BRICD5: variants seen among roughly 807,000 people sequenced by gnomAD.
The protein encoded by BRICD5 is BRICHOS domain-containing protein 5.
Under a neutral mutation model 28.4 loss-of-function variants are expected in BRICD5, and 51 were observed. The observed-to-expected ratio is 1.80, with a 90% CI of 1.43 to 2.27. The LOEUF is 2.27. BRICD5 is among the 30% of genes most tolerant of loss of function. The pLI is 0.00. For missense variants in BRICD5, 456 were observed against 309.6 expected (o/e 1.47, Z -3.55); for synonymous variants, 177 against 130.2 (o/e 1.36, Z -2.44).
At chr16:2,210,473 C>G (rs375635855) in intron 2 of BRICD5, 49 bp downstream of exon 2, 1 of 1,556,170 alleles carries the variant, frequency 6.4e-7, no homozygotes, top group Non-Finnish European at 8.7e-7. Flanking sequence ...TGCCAGCTTC[C>G]CTTCTCCCTT....
Position 2,209,611 on chromosome 16 carries a change from C to T in BRICD5, c.534G>A (p.Gly178=). The T allele has an allele frequency of 6.2e-7, 1 of 1,613,102 alleles. No homozygotes were observed. The highest frequency in any genetic ancestry group is 1.1e-5 in the South Asian group (1 of 91,084). ...GSLEVDPAQA[G]ALVQRLCMRT... ...TCATGCACAGGCGCTGCACCAAAGC[C>T]CCCGCCTGGGCGGGGTCCACTTCGA... Residue 178 remains glycine (G), a synonymous_variant, in exon 5 of 6, where the codon GGG becomes GGA. Transcript: ENST00000328540.
In BRICD5 at chr16:2,210,062, A is replaced by G. The variant is rs747932562; in HGVS notation, c.337-11T>C. 2.5e-6 allele frequency: 4 copies of G among 1,600,728 alleles called. No individual in the cohort carries two copies. In the East Asian group the frequency reaches 9.0e-5, roughly 36 times the overall value. On this transcript the variant is annotated splice_polypyrimidine_tract_variant and intron_variant, in intron 3 of 5. Coordinates refer to ENST00000328540, the MANE Select transcript of BRICD5 (RefSeq NM_182563.4). ...GTAACAGATGCAGCCCTGGGGAGGC[A>G]GGGGGGTGAGGCGGGGCCCCCCAGA...
rs755268152 is a variant in BRICD5 at position 2,209,553 on chromosome 16, C to T, written c.592G>A (p.Gly198Arg). The change falls in exon 5 of 6, where the codon GGG (glycine) becomes AGG (arginine). Residue 198 changes from glycine (G) to arginine (R), a missense_variant and splice_region_variant. Gly to Arg is a moderately radical substitution (Grantham distance 125). Coordinates refer to ENST00000328540, the MANE Select transcript of BRICD5 (RefSeq NM_182563.4). ...TTCCCCCACAGCGGTCCTGACTCACCCTCTGCTCGCCGGGCCCAGTAGATG... is the reference window on the plus strand; with the variant it reads ...TTCCCCCACAGCGGTCCTGACTCACTCTCTGCTCGCCGGGCCCAGTAGATG... ...TPIYWARRAEGPRRQRLIYLC... is the reference protein window; with the variant it reads ...TPIYWARRAERPRRQRLIYLC... 10 of 1,612,092 alleles carry T rather than the reference C, an allele frequency of 6.2e-6. No homozygotes were observed. The East Asian group carries it at 2.0e-4, about 32-fold the overall frequency.
rs376724211 is a variant in BRICD5, at chr16:2,210,853, A to G, written c.-20T>C. The G allele has an allele frequency of 9.7e-5, 155 of 1,600,482 alleles. 2 individuals are homozygous for G. The African/African-American group carries it at 1.6e-3, about 17-fold the overall frequency. On this transcript the variant is annotated 5_prime_UTR_variant, in exon 1 of 6. Coordinates refer to ENST00000328540, the MANE Select transcript of BRICD5 (RefSeq NM_182563.4). ...TTCCATCCTGCAGCCCCTGCTCACA[A>G]TGTGCCGATTGTCTGCGTCCCTTGT... is the stretch of plus-strand genomic sequence containing the variant.
chr16:2,210,576 G>C lies in BRICD5; in HGVS notation c.126C>G (p.Ala42=), dbSNP rs748861148. Residue 42 remains alanine, a synonymous_variant, in exon 2 of 6, where the codon GCC becomes GCG. Transcript: ENST00000328540. Reference sequence around the variant, plus strand: ...GCCCTCCAGCCACAACCCCCACAGCGGCCAGCACCAGCAGCAGCAGCAGCA... The same window carrying C: ...GCCCTCCAGCCACAACCCCCACAGCCGCCAGCACCAGCAGCAGCAGCAGCA... ...LLLLLLLLVL[A]AVGVVAGGLL... is the part of the protein sequence containing the mutation. The C allele has an allele frequency of 3.7e-6, 6 of 1,612,274 alleles. No homozygotes were observed. The Admixed American group carries it at 8.3e-5, about 22-fold the overall frequency.
rs554287445 is a variant in BRICD5, at chr16:2,209,402, T to G, written c.647A>C (p.Asn216Thr). 8 of 1,613,786 alleles carry G rather than the reference T, an allele frequency of 5.0e-6. No homozygotes were observed. Among genetic ancestry groups the G allele is most frequent in the South Asian group, 3.3e-5 (3 of 91,082 alleles). ...ATAAAAGCAGACCGACACGCAGATG[T>G]TGCTCGGGAAGCAGATGTCGATGCA... Reference protein sequence around the residue: ...YLCIDICFPSNICVSVCFYYL... With the variant: ...YLCIDICFPSTICVSVCFYYL... Residue 216 changes from asparagine to threonine, a missense_variant, in exon 6 of 6, where the codon AAC (asparagine) becomes ACC (threonine). By Grantham distance (65) the Asn-to-Thr change is moderately conservative. Transcript: ENST00000328540.
rs371914671 is a variant in BRICD5, at chr16:2,209,356, G to A, written c.*6C>T. On this transcript the variant is annotated 3_prime_UTR_variant, in exon 6 of 6. Coordinates refer to ENST00000328540, the MANE Select transcript of BRICD5 (RefSeq NM_182563.4). ...GGGACGGGCCAGGCTGGGCCAGGTC[G>A]GGGGCTCAGTCTGGGAGGTAATAAA... 81 of 1,608,380 alleles carry A rather than the reference G, an allele frequency of 5.0e-5. No individual in the cohort carries two copies. Among genetic ancestry groups the A allele is most frequent in the African/African-American group, 8.0e-5 (6 of 74,984 alleles).
Position 2,210,109 on chromosome 16 carries a change from C to T in BRICD5, c.336+17G>A. ...CAGACCGACACCTGCCAGGGTGACC[C>T]CTCCCTGCCCACTCACGCTCTGCCC... On this transcript the variant is annotated intron_variant, in intron 3 of 5. Coordinates refer to ENST00000328540, the MANE Select transcript of BRICD5 (RefSeq NM_182563.4). 4 of 1,605,684 alleles carry T rather than the reference C, an allele frequency of 2.5e-6. No individual in the cohort carries two copies. In the South Asian group the frequency reaches 3.3e-5, roughly 13 times the overall value.
At position 2,209,352 on chromosome 16, in the gene BRICD5, G is replaced by C. The variant is rs763815040; in HGVS notation, c.*10C>G. ...ATTGGGGACGGGCCAGGCTGGGCCA[G>C]GTCGGGGGCTCAGTCTGGGAGGTAA... On this transcript the variant is annotated 3_prime_UTR_variant, in exon 6 of 6. Coordinates refer to ENST00000328540, the MANE Select transcript of BRICD5 (RefSeq NM_182563.4). 3.7e-6 allele frequency: 6 copies of C among 1,607,962 alleles called. No homozygotes were observed. The highest frequency in any genetic ancestry group is 1.7e-5 in the Admixed American group (1 of 59,880).
intron 2 of BRICD5, 68 bp from the exon 3 acceptor site, chr16:2,210,349 G>A (rs1415217629): frequency 9.2e-6 from 14 of 1,515,602 alleles, no homozygotes; most frequent in Non-Finnish European, 1.2e-5. Flanking sequence ...GCTCTGGGCT[G>A]CAGGACTCCT....
At position 2,210,624 on chromosome 16, in the gene BRICD5, G is replaced by A. The variant is rs202065058; in HGVS notation, c.78C>T (p.Gly26=). 38 of 1,612,162 alleles carry A rather than the reference G, an allele frequency of 2.4e-5. No individual in the cohort carries two copies. In the African/African-American group the frequency reaches 4.8e-4, roughly 20 times the overall value. The part of the protein sequence containing the change: ...TGVKTKPSCG[G]WRAVSLLLLL... ...GCAGGAGCAGGCTCACGGCTCTCCA[G>A]CCCCCGCAGGAGGGCTTGGTCTTCA... is the stretch of plus-strand genomic sequence containing the variant. The change falls in exon 2 of 6, where the codon GGC becomes GGT. Residue 26 remains glycine, a synonymous_variant. Coordinates refer to ENST00000328540, the MANE Select transcript of BRICD5 (RefSeq NM_182563.4).
chr16:2,210,482 T>C, intron 2 of BRICD5, 40 bp downstream of exon 2: 3 of 1,565,400 alleles, frequency 1.9e-6, no homozygotes, highest in Non-Finnish European at 2.6e-6. Context: ...CCCTTCTCCC[T>C]TTCCACTGTC....
chr16:2,210,713 G>C, intron 1 of BRICD5, 63 bp from the exon 2 acceptor site: 1 of 1,609,990 alleles, frequency 6.2e-7, no homozygotes, highest in Non-Finnish European at 8.5e-7. Flanking sequence ...AGTGGGCTGG[G>C]GAAGGGAGGG....
In BRICD5 at chr16:2,209,314, G is replaced by A. The variant is rs745348677; in HGVS notation, c.*48C>T. 9 of 1,553,904 alleles carry A rather than the reference G, an allele frequency of 5.8e-6. No homozygotes were observed. In the East Asian group the frequency reaches 1.8e-4, roughly 31 times the overall value. On this transcript the variant is annotated 3_prime_UTR_variant, in exon 6 of 6. Coordinates refer to ENST00000328540, the MANE Select transcript of BRICD5 (RefSeq NM_182563.4). Reference sequence around the variant, plus strand: ...TGTCCTCCCTGGTGCAGGTGGCCTGGCCAGCCCACTGGATTGGGGACGGGC... The same window carrying A: ...TGTCCTCCCTGGTGCAGGTGGCCTGACCAGCCCACTGGATTGGGGACGGGC...
Position 2,209,719 on chromosome 16 carries a change from C to T in BRICD5, c.439-13G>A, listed in dbSNP as rs764440535. 2.9e-5 allele frequency: 47 copies of T among 1,596,080 alleles called. No homozygotes were observed. Among genetic ancestry groups the T allele is most frequent in the East Asian group, 9.0e-5 (4 of 44,660 alleles). The stretch of plus-strand genomic sequence containing the variant: ...AAGCCTCTTGGACCTGTTGAGAAGG[C>T]TCTGGTGGGCGGTGGGACAGGGCTG... On this transcript the variant is annotated splice_polypyrimidine_tract_variant and intron_variant, in intron 4 of 5. Coordinates refer to ENST00000328540, the MANE Select transcript of BRICD5 (RefSeq NM_182563.4).
chr16:2,210,207 G>C lies in BRICD5; in HGVS notation c.255C>G (p.Asp85Glu). Residue 85 changes from aspartate (D) to glutamate (E), a missense_variant, in exon 3 of 6, where the codon GAC becomes GAG. Transcript: ENST00000328540. ...MPRPNQTILV[D>E]VARNAATITV... is the part of the protein sequence containing the mutation. ...TGATGGTCGCCGCGTTCCGGGCCAC[G>C]TCCACCAGGATGGTTTGGTTGGGCC... The C allele has an allele frequency of 6.3e-7, 1 of 1,589,554 alleles. No individual in the cohort carries two copies. Among genetic ancestry groups the C allele is most frequent in the Non-Finnish European group, 8.5e-7 (1 of 1,170,230 alleles).
Position 2,210,195 on chromosome 16 carries a change from G to C in BRICD5, c.267C>G (p.Asn89Lys). ...GTGGGGTCACTGTGATGGTCGCCGC[G>C]TTCCGGGCCACGTCCACCAGGATGG... ...NQTILVDVAR[N>K]AATITVTPPQ... Residue 89 changes from asparagine to lysine, a missense_variant, in exon 3 of 6, where the codon AAC (asparagine) becomes AAG (lysine). Physicochemically the swap from Asn to Lys is moderately conservative, Grantham distance 94. Transcript: ENST00000328540. 1 of 1,598,318 alleles carries C rather than the reference G, an allele frequency of 6.3e-7. No homozygotes were observed. The highest frequency in any genetic ancestry group is 8.5e-7 in the Non-Finnish European group (1 of 1,174,292).
At position 2,209,593 on chromosome 16, in the gene BRICD5, C is replaced by T. The variant is rs754278535; in HGVS notation, c.552G>A (p.Leu184=). The T allele has an allele frequency of 3.3e-5, 54 of 1,612,358 alleles. No individual in the cohort carries two copies. Among genetic ancestry groups the T allele is most frequent in the Middle Eastern group, 3.3e-4 (2 of 6,078 alleles). ...CCCAGTAGATGGGGGTCCTCATGCA[C>T]AGGCGCTGCACCAAAGCCCCCGCCT... The part of the protein sequence containing the change: ...PAQAGALVQR[L]CMRTPIYWAR... The change falls in exon 5 of 6, where the codon CTG becomes CTA. Residue 184 remains leucine, a synonymous_variant. Coordinates refer to ENST00000328540, the MANE Select transcript of BRICD5 (RefSeq NM_182563.4).
Position 2,209,410 on chromosome 16 carries a change from G to T in BRICD5, c.639C>A (p.Phe213Leu). The T allele has an allele frequency of 6.2e-7, 1 of 1,613,858 alleles. No homozygotes were observed. The highest frequency in any genetic ancestry group is 8.5e-7 in the Non-Finnish European group (1 of 1,179,984). ...AGACCGACACGCAGATGTTGCTCGG[G>T]AAGCAGATGTCGATGCAGAGATAAA... is the stretch of plus-strand genomic sequence containing the variant. ...RLIYLCIDIC[F>L]PSNICVSVCF... is the part of the protein sequence containing the mutation. Residue 213 changes from phenylalanine (F) to leucine (L), a missense_variant, in exon 6 of 6, where the codon TTC (phenylalanine) becomes TTA (leucine). Coordinates refer to ENST00000328540, the MANE Select transcript of BRICD5 (RefSeq NM_182563.4).
Sources: allele counts gnomAD v4.1 joint callset, GRCh38; gene constraint gnomAD v4.1.1; transcripts MANE v1.5; gene names NCBI Gene and HGNC (gene_info 2026-07-23, HGNC 2026-07-21).